PKHD1L1: variants seen among roughly 807,000 people sequenced by gnomAD.
The protein encoded by PKHD1L1 is PKHD1 like 1.
Under a neutral mutation model 462.9 loss-of-function variants are expected in PKHD1L1, and 434 were observed. That is an observed-to-expected ratio of 0.94 (90% CI 0.87 to 1.02). PKHD1L1 has a LOEUF of 1.02. Among genes scored for constraint, PKHD1L1 ranks in the 50% least tolerant of loss-of-function variants. PKHD1L1 has a pLI of 0.00. For synonymous variants in PKHD1L1, 1,781 were observed against 1,750.0 expected (o/e 1.02, Z -0.44); for missense variants, 5,202 against 5,096.1 (o/e 1.02, Z -0.63).
chr8:109,436,202 C>A, intron 29 of PKHD1L1, 136 bp from the exon 30 acceptor site: 1 of 890,650 alleles, frequency 1.1e-6, no homozygotes, highest in East Asian at 2.7e-5. Context: ...AAGTCTGGTC[C>A]TTGATCTATT....
At chr8:109,488,201 A>G (rs1243843714) in intron 59 of PKHD1L1, among the ~76,000 whole-genome samples, 1 of 151,976 alleles carries the variant, frequency 6.6e-6, no homozygotes, top group African/African-American at 2.4e-5. Context: ...ATTTTTCCTC[A>G]TATTGACTAG....
In PKHD1L1 at chr8:109,396,017, T is replaced by C; in HGVS notation, c.812-10T>C. On this transcript the variant is annotated splice_polypyrimidine_tract_variant and intron_variant, in intron 10 of 77. Transcript: ENST00000378402. The stretch of plus-strand genomic sequence containing the variant: ...TTTATGATATTTTATTTAATGTGGT[T>C]TTCCCCCAGAGGTCACCATGATTTT... The C allele has an allele frequency of 6.4e-7, 1 of 1,560,124 alleles. No individual in the cohort carries two copies. Among genetic ancestry groups the C allele is most frequent in the Non-Finnish European group, 8.7e-7 (1 of 1,144,246 alleles).
Position 109,533,590 on chromosome 8 carries a change from C to T in PKHD1L1, c.*3500C>T, listed in dbSNP as rs894998383. 5.3e-5 allele frequency among the ~76,000 whole-genome samples: 8 copies of T among 152,152 alleles called. No individual in the cohort carries two copies. The highest frequency in any genetic ancestry group is 9.7e-5 in the African/African-American group (4 of 41,426). ...TGGGTTACAAAAACAGACATTATCT[C>T]GTGGCATATTCTAGAAACTGACCTT... On this transcript the variant is annotated 3_prime_UTR_variant, in exon 78 of 78. Coordinates refer to ENST00000378402, the MANE Select transcript of PKHD1L1 (RefSeq NM_177531.6).
At chr8:109,513,139 C>T (rs1170750013) in intron 71 of PKHD1L1, among the ~76,000 whole-genome samples, 1 of 151,418 alleles carries the variant, frequency 6.6e-6, no homozygotes, top group African/African-American at 2.4e-5. Context: ...ATGTCATCTG[C>T]AAACAGGGAC....
chr8:109,405,121 GA>G lies in PKHD1L1; in HGVS notation c.1666del (p.Thr556LeufsTer17). 1 of 1,458,848 alleles carries G rather than the reference GA, an allele frequency of 6.9e-7. No individual in the cohort carries two copies. Among genetic ancestry groups the G allele is most frequent in the Non-Finnish European group, 9.4e-7 (1 of 1,067,912 alleles). The allele number at this position is 1,458,848 out of a possible 1,614,324, so 90.4% of individuals were successfully genotyped here. The stretch of plus-strand genomic sequence containing the variant: ...CCAATATAGATTAATCTATAATATG[GA>G]AAAAACTGGTAAGTTATAAATAATA... Reference protein sequence around the residue: ...LYQYRLIYNMEKTVFLPADAS... With the variant: ...LYQYRLIYNMXKTVFLPADAS... On this transcript the variant is annotated frameshift_variant, in exon 16 of 78. Transcript: ENST00000378402. LOFTEE classifies it high-confidence loss of function.
At chr8:109,450,207 A>G (rs1412615998) in intron 40 of PKHD1L1, among the ~76,000 whole-genome samples, 1 of 152,220 alleles carries the variant, frequency 6.6e-6, no homozygotes, top group Non-Finnish European at 1.5e-5. Context: ...ATTGTTGTGA[A>G]GATTAAATAT....
intron 60 of PKHD1L1, among the ~76,000 whole-genome samples, chr8:109,490,590 T>C (rs959105810): frequency 6.6e-6 from 1 of 151,732 alleles, no homozygotes; most frequent in Non-Finnish European, 1.5e-5. Context: ...AGTAACTCCT[T>C]GACTAAAGTA....
At chr8:109,423,622 T>C (rs778109039) in intron 23 of PKHD1L1, among the ~76,000 whole-genome samples, 13 of 152,192 alleles carry the variant, frequency 8.5e-5, no homozygotes, top group Non-Finnish European at 1.8e-4. Flanking sequence ...TGCCTTCCCA[T>C]ATAAATTTTA....
At chr8:109,395,959 T>A (rs1812949670) in intron 10 of PKHD1L1, 68 bp from the exon 11 acceptor site, 8 of 1,148,126 alleles carry the variant, frequency 7.0e-6, no homozygotes, top group South Asian at 1.4e-5. Flanking sequence ...TTGGAATTTT[T>A]AAAAAATCAG....
rs115410331 is a variant in PKHD1L1, at chr8:109,520,671, A to G, written c.12032-1515A>G. ...GAAGTGGCAAGAAAGATGTTCATGT[A>G]GTTGTACTCCTGGCTCCTTATAGCT... On this transcript the variant is annotated intron_variant, in intron 73 of 77. Coordinates refer to ENST00000378402, the MANE Select transcript of PKHD1L1 (RefSeq NM_177531.6). 6.5e-3 allele frequency among the ~76,000 whole-genome samples: 993 copies of G among 152,250 alleles called. 14 individuals carry two copies. The highest frequency in any genetic ancestry group is 0.023 in the African/African-American group (955 of 41,552).
intron 73 of PKHD1L1, among the ~76,000 whole-genome samples, chr8:109,518,720 AT>A (rs1164807702): frequency 6.6e-6 from 1 of 152,174 alleles, no homozygotes; most frequent in Non-Finnish European, 1.5e-5. Context: ...CTGTTTTGTT[AT>A]TGTGATGATT....
intron 67 of PKHD1L1, chr8:109,499,017 AT>A (rs1371228969): frequency 3.1e-5 from 14 of 449,798 alleles, no homozygotes; most frequent in Non-Finnish European, 3.9e-6. Flanking sequence ...AAACACTGGC[AT>A]TTGTGATTTA....
chr8:109,515,559 T>C (rs1563630364), intron 72 of PKHD1L1, among the ~76,000 whole-genome samples: 1 of 152,146 alleles, frequency 6.6e-6, no homozygotes, highest in Non-Finnish European at 1.5e-5. Flanking sequence ...ATTCTTTTGC[T>C]TCCTAAGAAT....
Position 109,412,269 on chromosome 8 carries a change from A to G in PKHD1L1, c.2090A>G (p.His697Arg), listed in dbSNP as rs996646509. ...RDYETDFNLEHINRGQKTAET... is the reference protein window; with the variant it reads ...RDYETDFNLERINRGQKTAET... ...GAAATATTATTGTTTCGGTAGGAAC[A>G]TATTAACAGAGGGCAGAAGACAGCT... The change falls in exon 20 of 78, where the codon CAT (histidine) becomes CGT (arginine). Residue 697 changes from histidine to arginine, a missense_variant. By Grantham distance (29) the His-to-Arg change is conservative. This residue lies in a region of PKHD1L1 where 4,497 missense variants were observed against 4,336.8 expected (regional missense o/e 1.04). Coordinates refer to ENST00000378402, the MANE Select transcript of PKHD1L1 (RefSeq NM_177531.6). 1.2e-6 allele frequency: 2 copies of G among 1,612,990 alleles called. No individual in the cohort carries two copies. Among genetic ancestry groups the G allele is most frequent in the African/African-American group, 1.3e-5 (1 of 74,860 alleles).
chr8:109,510,682 C>A (rs1819924360), intron 70 of PKHD1L1, 95 bp from the exon 71 acceptor site: 1 of 1,406,710 alleles, frequency 7.1e-7, no homozygotes, highest in Non-Finnish European at 9.5e-7. Context: ...TGAACTTGAC[C>A]ACTGCAATTT....
intron 63 of PKHD1L1, among the ~76,000 whole-genome samples, chr8:109,494,016 C>T (rs752107087): frequency 1.3e-4 from 20 of 151,808 alleles, no homozygotes; most frequent in Non-Finnish European, 2.8e-4. Flanking sequence ...GGTATTGGGA[C>T]AGTAAGTACC....
At position 109,491,970 on chromosome 8, in the gene PKHD1L1, A is replaced by G; in HGVS notation, c.10212A>G (p.Ser3404=). ...GTYQNRKDLS[S]TLWHAAIEIN... ...ATCAGAACAGAAAAGATTTAAGTTC[A>G]ACTCTCTGGCATGCAGCAATTGAGG... Residue 3404 remains serine, a synonymous_variant, in exon 62 of 78, where the codon TCA becomes TCG. Transcript: ENST00000378402. 1 of 1,571,194 alleles carries G rather than the reference A, an allele frequency of 6.4e-7. No individual in the cohort carries two copies. The highest frequency in any genetic ancestry group is 1.3e-5 in the African/African-American group (1 of 74,228).
intron 67 of PKHD1L1, among the ~76,000 whole-genome samples, chr8:109,499,942 C>T (rs1433650163): frequency 6.6e-6 from 1 of 152,160 alleles, no homozygotes; most frequent in Non-Finnish European, 1.5e-5. Context: ...TCATTTGTAT[C>T]CCCATGTTAG....
chr8:109,452,750 G>A lies in PKHD1L1; in HGVS notation c.6540G>A (p.Trp2180Ter). The change falls in exon 43 of 78, where the codon TGG (tryptophan) becomes TGA (stop). Residue 2180 changes from tryptophan to a stop codon, truncating the protein, a stop_gained. Transcript: ENST00000378402. LOFTEE classifies it high-confidence loss of function. ...DNADFLYVDAWSSNFSWGGKS... is the reference protein window; with the variant it reads ...DNADFLYVDA ...CTGACTTTCTTTATGTTGATGCCTG[G>A]TCCTCCAATTTCTCATGGGGGGGAA... The A allele has an allele frequency of 1.3e-6, 2 of 1,541,016 alleles. No individual in the cohort carries two copies. The highest frequency in any genetic ancestry group is 1.7e-6 in the Non-Finnish European group (2 of 1,145,342).
Sources: allele counts gnomAD v4.1 joint callset (sites outside exome capture counted in the v4.1 genomes callset), GRCh38; gene constraint gnomAD v4.1.1; regional missense constraint gnomAD v4.1.1; transcripts MANE v1.5; gene names NCBI Gene and HGNC (gene_info 2026-07-23, HGNC 2026-07-21).